Variants in SNX30 observed in about 807,000 individuals in gnomAD.
The protein encoded by SNX30 is sorting nexin family member 30.
In SNX30, 24 loss-of-function variants were observed where a neutral mutation model predicts 46.4. The observed-to-expected ratio is 0.52, with a 90% CI of 0.37 to 0.73. SNX30 has a LOEUF of 0.73. Among genes scored for constraint, SNX30 ranks in the 30% least tolerant of loss-of-function variants. The pLI is 0.00. For synonymous variants in SNX30, 189 were observed against 211.5 expected, an observed-to-expected ratio of 0.89 and a Z score of 0.92; for missense variants, 533 against 555.7, an observed-to-expected ratio of 0.96 and a Z score of 0.41.
At chr9:112,768,481 T>C (rs1303797509) in intron 1 of SNX30, among the ~76,000 whole-genome samples, 1 of 152,108 alleles carries the variant, frequency 6.6e-6, no homozygotes, top group Non-Finnish European at 1.5e-5. Flanking sequence ...TGAGAAACAC[T>C]GTCTTAGAAC....
chr9:112,792,060 A>C (rs1361242319), intron 1 of SNX30, among the ~76,000 whole-genome samples: 1 of 152,136 alleles, frequency 6.6e-6, no homozygotes, highest in African/African-American at 2.4e-5. Context: ...TTGATACCGG[A>C]TATAGATAGT....
chr9:112,867,389 C>T (rs1344568684), intron 8 of SNX30, among the ~76,000 whole-genome samples: 1 of 150,066 alleles, frequency 6.7e-6, no homozygotes, highest in Non-Finnish European at 1.5e-5. Context: ...CAGAACTCTT[C>T]CCACCTCCTC....
rs1383564855 is a variant in SNX30, at chr9:112,869,871, C to T, written c.*1028C>T. On this transcript the variant is annotated 3_prime_UTR_variant, in exon 9 of 9. Transcript: ENST00000374232. ...TCTGGGCGAGCTTTTGGTGAGAGGG[C>T]TGGTATGTCATGTTGTTATGATACA... is the stretch of plus-strand genomic sequence containing the variant. 1.3e-5 allele frequency: 2 copies of T among 152,076 alleles called. No individual in the cohort carries two copies. Among genetic ancestry groups the T allele is most frequent in the Admixed American group, 6.6e-5 (1 of 15,266 alleles). 9.4% of individuals were successfully genotyped at this position (152,076 alleles called of 1,614,324 possible).
At chr9:112,809,726 T>G (rs889670816) in intron 2 of SNX30, among the ~76,000 whole-genome samples, 1 of 152,084 alleles carries the variant, frequency 6.6e-6, no homozygotes, top group Admixed American at 6.6e-5. Context: ...GTGTGAGCAG[T>G]TTCATTGGTG....
Position 112,873,396 on chromosome 9 carries a change from T to C in SNX30, c.*4553T>C, listed in dbSNP as rs1386722192. 1 of 152,230 alleles carries C rather than the reference T, an allele frequency of 6.6e-6. No homozygotes were observed. The allele number at this position is 152,230 out of a possible 1,614,324, so 9.4% of individuals were successfully genotyped here. A position where few individuals can be genotyped will look rare whatever the true frequency, so the allele number is the denominator to read the frequency against. Reference sequence around the variant, plus strand: ...GAGAATTTGTCCGTACCTACTAATATGCCTTATTCTTCTTCACCTAGTGTT... The same window carrying C: ...GAGAATTTGTCCGTACCTACTAATACGCCTTATTCTTCTTCACCTAGTGTT... On this transcript the variant is annotated 3_prime_UTR_variant, in exon 9 of 9. Coordinates refer to ENST00000374232, the MANE Select transcript of SNX30 (RefSeq NM_001012994.2).
At chr9:112,769,074 G>A (rs1436322225) in intron 1 of SNX30, among the ~76,000 whole-genome samples, 1 of 152,166 alleles carries the variant, frequency 6.6e-6, no homozygotes, top group Non-Finnish European at 1.5e-5. Context: ...CCCAGTAGGT[G>A]TAGTTTCATA....
At chr9:112,856,425 T>C (rs1301046281) in intron 7 of SNX30, among the ~76,000 whole-genome samples, 2 of 137,780 alleles carry the variant, frequency 1.5e-5, no homozygotes, top group Non-Finnish European at 3.1e-5. Flanking sequence ...GTGGGGTATG[T>C]AGTGTGTGGG....
chr9:112,780,578 G>GT (rs1022075457), intron 1 of SNX30, among the ~76,000 whole-genome samples: 1 of 152,228 alleles, frequency 6.6e-6, no homozygotes, highest in Middle Eastern at 3.4e-3. Flanking sequence ...AGAAGAATGG[G>GT]TTTTTTGCTT....
At chr9:112,860,765 T>C (rs1841212927) in intron 7 of SNX30, among the ~76,000 whole-genome samples, 1 of 152,212 alleles carries the variant, frequency 6.6e-6, no homozygotes, top group Admixed American at 6.5e-5. Flanking sequence ...TAGTTTGTAT[T>C]TGGAAGATGA....
At chr9:112,830,171 G>A (rs904340426) in intron 3 of SNX30, among the ~76,000 whole-genome samples, 14 of 152,158 alleles carry the variant, frequency 9.2e-5, no homozygotes, top group African/African-American at 2.6e-4. Context: ...GGGGAATAAA[G>A]GAAATTACGT....
intron 3 of SNX30, among the ~76,000 whole-genome samples, chr9:112,829,067 G>C (rs1405882236): frequency 6.6e-6 from 1 of 152,136 alleles, no homozygotes; most frequent in Admixed American, 6.5e-5. Flanking sequence ...GTTTTTCCAT[G>C]ATGTAGCATG....
intron 2 of SNX30, among the ~76,000 whole-genome samples, chr9:112,810,676 G>C (rs947997030): frequency 6.6e-6 from 1 of 152,084 alleles, no homozygotes; most frequent in African/African-American, 2.4e-5. Flanking sequence ...CTTAGAGGCT[G>C]GTGTTGTATG....
downstream of SNX30, chr9:112,879,670 G>A: frequency 1.7e-6 from 2 of 1,201,040 alleles, no homozygotes; most frequent in Non-Finnish European, 2.4e-6. Context: ...TTAAGCAGTG[G>A]GTTGCTTAGG....
At chr9:112,755,196 G>A (rs2796034) in intron 1 of SNX30, among the ~76,000 whole-genome samples, 3 of 151,996 alleles carry the variant, frequency 2.0e-5, no homozygotes, top group African/African-American at 4.8e-5. Context: ...AGAACTGGCC[G>A]CGAGGAAGAG....
At chr9:112,752,125 ACTTT>A (rs1461614203) in intron 1 of SNX30, among the ~76,000 whole-genome samples, 2 of 152,144 alleles carry the variant, frequency 1.3e-5, no homozygotes, top group East Asian at 3.9e-4. Context: ...AGGGGACCTA[ACTTT>A]CTTCTCCCGT....
At chr9:112,783,421 C>G (rs1839875518) in intron 1 of SNX30, among the ~76,000 whole-genome samples, 2 of 152,228 alleles carry the variant, frequency 1.3e-5, no homozygotes, top group African/African-American at 4.8e-5. Flanking sequence ...GTGACTTACA[C>G]AGTGCCTGGC....
intron 1 of SNX30, among the ~76,000 whole-genome samples, chr9:112,771,510 G>C (rs1305571031): frequency 6.6e-6 from 1 of 152,172 alleles, no homozygotes; most frequent in Non-Finnish European, 1.5e-5. Flanking sequence ...ATTTATGTCA[G>C]TATGTCTGCC....
intron 6 of SNX30, among the ~76,000 whole-genome samples, chr9:112,850,613 C>A (rs1276479017): frequency 6.6e-6 from 1 of 152,250 alleles, no homozygotes; most frequent in Non-Finnish European, 1.5e-5. Flanking sequence ...AATTTCTTTC[C>A]TTTCAGCGTC....
chr9:112,804,661 C>T (rs1353595267), intron 1 of SNX30, 115 bp from the exon 2 acceptor site: 11 of 896,038 alleles, frequency 1.2e-5, no homozygotes, highest in Admixed American at 2.5e-5. Flanking sequence ...TCAGGTGTTT[C>T]GAAAGTTATT....
Sources: gnomAD v4.1 joint callset for allele counts (sites outside exome capture counted in the v4.1 genomes callset) on GRCh38, gnomAD v4.1.1 for gene constraint, MANE v1.5 for transcripts, NCBI Gene and HGNC (gene_info 2026-07-23, HGNC 2026-07-21) for gene names.